KIF21B: variants seen among roughly 807,000 people sequenced by gnomAD.
KIF21B encodes kinesin-like protein KIF21B.
Under a neutral mutation model 192.9 loss-of-function variants are expected in KIF21B, and 85 were observed. That is an observed-to-expected ratio of 0.44 (90% confidence interval 0.37 to 0.53). The LOEUF (loss-of-function observed/expected upper bound fraction) is 0.53, where lower values mean the gene tolerates loss of function less well. Ranked by LOEUF, KIF21B falls within the 20% of genes least tolerant of loss-of-function variation. The probability of loss-of-function intolerance (pLI) is 0.00; values close to 1 mark genes in which losing one functional copy is unlikely to be tolerated. For synonymous variants in KIF21B, 832 were observed against 884.6 expected, an observed-to-expected ratio of 0.94 and a Z score of 1.05; for missense variants, 1,716 against 2,194.8, an observed-to-expected ratio of 0.78 and a Z score of 4.36.
At position 200,998,513 on chromosome 1, in the gene KIF21B, T is replaced by A. The variant is rs768598383; in HGVS notation, c.1948A>T (p.Ile650Phe). ...CGCTGGCTGTTCTCCAGCTCGTCGA[T>A]CAGCTTCTGCTTGATTTCGATCTCA... ...TCEIEIKQKL[I>F]DELENSQRRL... The change falls in exon 14 of 35, where the codon ATC (isoleucine) becomes TTC (phenylalanine). Residue 650 changes from isoleucine to phenylalanine, a missense_variant. Around this residue, in one of 3 missense-constraint regions of KIF21B, gnomAD observed 1,087 missense variants for 1,316.6 expected, o/e 0.83. Coordinates refer to ENST00000461742, the MANE Select transcript of KIF21B (RefSeq NM_001252102.2). The surrounding 1 kb of genome is among the most constrained non-coding windows in gnomAD (Gnocchi z 4.3). 1.2e-6 allele frequency: 2 copies of A among 1,613,956 alleles called. No homozygotes were observed. Among genetic ancestry groups the A allele is most frequent in the Non-Finnish European group, 1.7e-6 (2 of 1,180,006 alleles).
Position 200,975,382 on chromosome 1 carries a change from G to C in KIF21B, c.4614+117C>G. 1.1e-6 allele frequency: 1 copy of C among 892,362 alleles called. No individual in the cohort carries two copies. Among genetic ancestry groups the C allele is most frequent in the South Asian group, 1.7e-5 (1 of 59,576 alleles). The allele number at this position is 892,362 out of a possible 1,614,324, so 55.3% of individuals were successfully genotyped here. On this transcript the variant is annotated intron_variant, in intron 33 of 34. Coordinates refer to ENST00000461742, the MANE Select transcript of KIF21B (RefSeq NM_001252102.2). The surrounding 1 kb of genome is among the most constrained non-coding windows in gnomAD (Gnocchi z 4.3). ...GGAGAACAGGAGGGCTTGGGGAGCT[G>C]TGAAAACCATCTGGCCTGGGGCCCG...
Position 201,023,405 on chromosome 1 carries a change from G to A in KIF21B, c.-22C>T. On this transcript the variant is annotated 5_prime_UTR_variant, in exon 1 of 35. Coordinates refer to ENST00000461742, the MANE Select transcript of KIF21B (RefSeq NM_001252102.2). The surrounding 1 kb of genome is among the most constrained non-coding windows in gnomAD (Gnocchi z 5.9). ...CCATGGCCCTCTGGAGCTAGGGTCT[G>A]GGCGTGGATCAGAGGCGGGGGTCTG... 1 of 1,486,470 alleles carries A rather than the reference G, an allele frequency of 6.7e-7. No homozygotes were observed. The highest frequency in any genetic ancestry group is 8.9e-7 in the Non-Finnish European group (1 of 1,117,634). 92.1% of individuals were successfully genotyped at this position (1,486,470 alleles called of 1,614,324 possible).
intron 1 of KIF21B, among the ~76,000 whole-genome samples, chr1:201,010,060 C>T (rs1658142061): frequency 6.6e-6 from 1 of 152,190 alleles, no homozygotes. Flanking sequence ...ATTCCCAGAG[C>T]CAGGACTAAG....
chr1:201,004,985 T>C (rs891163304), intron 5 of KIF21B, 52 bp from the exon 6 acceptor site: 3 of 1,563,134 alleles, frequency 1.9e-6, no homozygotes, highest in Non-Finnish European at 2.6e-6. Context: ...CCTCACTGGC[T>C]CCCCTGATCA....
intron 3 of KIF21B, among the ~76,000 whole-genome samples, chr1:201,007,540 A>G (rs965083762): frequency 2.6e-5 from 4 of 151,278 alleles, no homozygotes; most frequent in Admixed American, 2.6e-4. Context: ...AGACACACAC[A>G]CAGACACCCA....
In KIF21B at chr1:200,973,322, C is replaced by A; in HGVS notation, c.*199G>T. 1 of 559,980 alleles carries A rather than the reference C, an allele frequency of 1.8e-6. No individual in the cohort carries two copies. Among genetic ancestry groups the A allele is most frequent in the East Asian group, 3.5e-5 (1 of 28,788 alleles). The allele number at this position is 559,980 out of a possible 1,614,324, so 34.7% of individuals were successfully genotyped here. ...TTTCCTCCCCAGCCTCTCTCTCACC[C>A]AGAGGCTCCTGAGAGGCAGGGGAGG... On this transcript the variant is annotated 3_prime_UTR_variant, in exon 35 of 35. Transcript: ENST00000461742.
chr1:200,974,590 T>C (rs1359525164), intron 34 of KIF21B, 124 bp downstream of exon 34: 9 of 985,614 alleles, frequency 9.1e-6, no homozygotes, highest in Admixed American at 6.3e-5. Flanking sequence ...GAGGCCACCA[T>C]GGAATCTGCT....
intron 24 of KIF21B, 145 bp from the exon 25 acceptor site, chr1:200,987,346 C>A (rs915108796): frequency 2.9e-6 from 2 of 684,866 alleles, no homozygotes; most frequent in African/African-American, 3.6e-5. Context: ...CTCATGCGAT[C>A]CCCTCACCTC....
In KIF21B at chr1:200,973,234, A is replaced by G. The variant is rs1362332444; in HGVS notation, c.*287T>C. On this transcript the variant is annotated 3_prime_UTR_variant, in exon 35 of 35. Transcript: ENST00000461742. ...GGCAGAGCCGGTTCAGCAGGAGACA[A>G]TGTGGCCACGACTGCCAGGAGGGGA... The G allele has an allele frequency of 8.5e-6, 3 of 353,276 alleles. No individual in the cohort carries two copies. Among genetic ancestry groups the G allele is most frequent in the Middle Eastern group, 7.3e-4 (1 of 1,362 alleles). The allele number at this position is 353,276 out of a possible 1,614,324, so 21.9% of individuals were successfully genotyped here.
At chr1:201,013,029 A>G (rs1658322338) in intron 1 of KIF21B, among the ~76,000 whole-genome samples, 1 of 152,164 alleles carries the variant, frequency 6.6e-6, no homozygotes, top group South Asian at 2.1e-4. Context: ...GGAGTCCTGC[A>G]TGTCTGTTCA....
chr1:201,008,233 C>A (rs1324196686), intron 3 of KIF21B, among the ~76,000 whole-genome samples: 1 of 152,232 alleles, frequency 6.6e-6, no homozygotes, highest in African/African-American at 2.4e-5. Context: ...GCCTGATATT[C>A]TCCCAGAGAC....
Position 200,973,505 on chromosome 1 carries a change from C to T in KIF21B, c.*16G>A, listed in dbSNP as rs1015556769. On this transcript the variant is annotated 3_prime_UTR_variant, in exon 35 of 35. Coordinates refer to ENST00000461742, the MANE Select transcript of KIF21B (RefSeq NM_001252102.2). ...GCTGGGGTCGAGGGTCCGGGGGCAT[C>T]CCTCTGACCTCACTCCTAGGGTGGG... 9.0e-6 allele frequency: 13 copies of T among 1,441,214 alleles called. No homozygotes were observed. The highest frequency in any genetic ancestry group is 1.2e-5 in the Non-Finnish European group (13 of 1,107,188). The allele number at this position is 1,441,214 out of a possible 1,614,324, so 89.3% of individuals were successfully genotyped here.
chr1:200,991,205 C>A, intron 17 of KIF21B, 56 bp from the exon 18 acceptor site: 3 of 1,402,464 alleles, frequency 2.1e-6, no homozygotes, highest in Non-Finnish European at 3.0e-6. Flanking sequence ...TGGAGCCACA[C>A]AGAAGGGCCC....
intron 15 of KIF21B, among the ~76,000 whole-genome samples, chr1:200,994,648 A>C (rs1254454961): frequency 6.6e-6 from 1 of 152,162 alleles, no homozygotes; most frequent in East Asian, 1.9e-4. Context: ...ATCTTCCCTC[A>C]TGAGGCTCTC....
chr1:201,007,629 G>GACAGGCACACACACACAC (rs1164050949), intron 3 of KIF21B, among the ~76,000 whole-genome samples: 1 of 115,570 alleles, frequency 8.7e-6, no homozygotes, highest in African/African-American at 3.4e-5. Context: ...CACAGACACA[G>GACAGGCACACACACACAC]ACAGGCACAC....
chr1:200,999,508 G>A lies in KIF21B; in HGVS notation c.1768-42C>T. Reference sequence around the variant, plus strand: ...ATTGGGGTGGGCCTGGCCTCAGAGAGGGGAGCCCAGAAGCAGAGGTGCATC... The same window carrying A: ...ATTGGGGTGGGCCTGGCCTCAGAGAAGGGAGCCCAGAAGCAGAGGTGCATC... On this transcript the variant is annotated intron_variant, in intron 12 of 34. Coordinates refer to ENST00000461742, the MANE Select transcript of KIF21B (RefSeq NM_001252102.2). The surrounding 1 kb of genome is among the most constrained non-coding windows in gnomAD (Gnocchi z 4.7). 6.2e-7 allele frequency: 1 copy of A among 1,600,146 alleles called. No homozygotes were observed. The highest frequency in any genetic ancestry group is 1.1e-5 in the South Asian group (1 of 88,648).
chr1:200,974,856 G>C lies in KIF21B; in HGVS notation c.4672C>G (p.Pro1558Ala). 6.2e-7 allele frequency: 1 copy of C among 1,614,218 alleles called. No homozygotes were observed. Among genetic ancestry groups the C allele is most frequent in the Non-Finnish European group, 8.5e-7 (1 of 1,180,032 alleles). The change falls in exon 34 of 35, where the codon CCC becomes GCC. Residue 1558 changes from proline to alanine, a missense_variant. Coordinates refer to ENST00000461742, the MANE Select transcript of KIF21B (RefSeq NM_001252102.2). ...GCACGGCAGGCGCTGAGCAGCATGGGGCGGCCCGGGATGAAGGCCAGGGCG... is the reference window on the plus strand; with the variant it reads ...GCACGGCAGGCGCTGAGCAGCATGGCGCGGCCCGGGATGAAGGCCAGGGCG... ...VCALAFIPGR[P>A]MLLSACRAGV... is the part of the protein sequence containing the mutation.
At position 200,971,157 on chromosome 1, in the gene KIF21B, G is replaced by T. The variant is rs1263853344; in HGVS notation, c.*2364C>A. On this transcript the variant is annotated 3_prime_UTR_variant, in exon 35 of 35. Coordinates refer to ENST00000461742, the MANE Select transcript of KIF21B (RefSeq NM_001252102.2). ...GGCCTGCCCCCTAACATGGACCTTGGACATCCCTGAAAGAGTGGGCAGAGA... is the reference window on the plus strand; with the variant it reads ...GGCCTGCCCCCTAACATGGACCTTGTACATCCCTGAAAGAGTGGGCAGAGA... 9 of 152,822 alleles carry T rather than the reference G, an allele frequency of 5.9e-5. No homozygotes were observed. In the East Asian group the frequency reaches 1.7e-3, roughly 29 times the overall value. 9.5% of individuals were successfully genotyped at this position (152,822 alleles called of 1,614,324 possible). A position where few individuals can be genotyped will look rare whatever the true frequency, so the allele number is the denominator to read the frequency against.
At position 200,977,206 on chromosome 1, in the gene KIF21B, G is replaced by A. The variant is rs199722081; in HGVS notation, c.4325+6C>T. 9.7e-5 allele frequency: 156 copies of A among 1,607,700 alleles called. No homozygotes were observed. The highest frequency in any genetic ancestry group is 1.7e-4 in the Admixed American group (10 of 59,868). ...ACCCTCCTCCCTCCCCAGGTATCAC[G>A]CTGACCTGCTAAGCTCCCAGATGCG... On this transcript the variant is annotated splice_donor_region_variant and intron_variant, in intron 31 of 34. Transcript: ENST00000461742.
Sources: gnomAD v4.1 joint callset for allele counts (sites outside exome capture counted in the v4.1 genomes callset) on GRCh38, gnomAD v4.1.1 for gene constraint, gnomAD v4.1.1 regional missense constraint, Gnocchi (gnomAD v3.1) non-coding constraint, MANE v1.5 for transcripts, NCBI Gene and HGNC (gene_info 2026-07-23, HGNC 2026-07-21) for gene names.